The following PRMT8 variants were observed in gnomAD, a reference collection of about 807,000 sequenced individuals.
The protein encoded by PRMT8 is protein arginine methyltransferase 8.
A neutral mutation model predicts 47.1 loss-of-function variants in PRMT8; 7 were observed. The observed-to-expected ratio is 0.15, with a 90% CI of 0.08 to 0.28. The LOEUF is 0.28. Among genes scored for constraint, PRMT8 ranks in the 10% least tolerant of loss-of-function variants. The pLI, the probability that PRMT8 is intolerant of heterozygous loss-of-function variation, is 1.00. For missense variants in PRMT8, 237 were observed against 505.4 expected, an observed-to-expected ratio of 0.47 and a Z score of 5.09; for synonymous variants, 188 against 186.5, an observed-to-expected ratio of 1.01 and a Z score of -0.07.
intron 1 of PRMT8, among the ~76,000 whole-genome samples, chr12:3,449,024 A>G (rs1021638468): frequency 3.9e-5 from 6 of 152,192 alleles, no homozygotes; most frequent in Non-Finnish European, 7.3e-5. Context: ...TGCTGAGGAT[A>G]ATGGCTTCCA....
chr12:3,390,453 A>C (rs775781029), intron 1 of PRMT8, among the ~76,000 whole-genome samples: 3 of 152,174 alleles, frequency 2.0e-5, no homozygotes, highest in Non-Finnish European at 2.9e-5. Context: ...GGACCTCCCA[A>C]GTGAGCCCTC....
intron 1 of PRMT8, among the ~76,000 whole-genome samples, chr12:3,510,202 C>T (rs770580711): frequency 6.6e-6 from 1 of 151,930 alleles, no homozygotes; most frequent in Middle Eastern, 3.4e-3. Flanking sequence ...GCCTGGGGTC[C>T]TGCTCTGGGG....
chr12:3,489,996 G>T (rs139213589), upstream of PRMT8, among the ~76,000 whole-genome samples: 67 of 152,262 alleles, frequency 4.4e-4, no homozygotes, highest in African/African-American at 1.4e-3. Flanking sequence ...TTCCTACTGA[G>T]AATGATTCTA....
At chr12:3,406,095 C>A (rs930581586) in intron 1 of PRMT8, among the ~76,000 whole-genome samples, 34 of 152,366 alleles carry the variant, frequency 2.2e-4, no homozygotes, top group African/African-American at 8.2e-4. Context: ...TCTTGTCTTC[C>A]ACGTACCCAC....
At chr12:3,417,075 T>G (rs950098569) in intron 1 of PRMT8, among the ~76,000 whole-genome samples, 1 of 152,196 alleles carries the variant, frequency 6.6e-6, no homozygotes, top group Non-Finnish European at 1.5e-5. Context: ...TTTTCAGGTT[T>G]TTGATGACTT....
At chr12:3,591,399 G>A (rs947888383) in intron 8 of PRMT8, among the ~76,000 whole-genome samples, 13 of 147,416 alleles carry the variant, frequency 8.8e-5, no homozygotes, top group Admixed American at 4.3e-4. Context: ...AAGCAGGCAG[G>A]GAAAGCTCTT....
intron 4 of PRMT8, among the ~76,000 whole-genome samples, chr12:3,563,803 A>G (rs1490722359): frequency 6.6e-6 from 1 of 152,192 alleles, no homozygotes; most frequent in Non-Finnish European, 1.5e-5. Flanking sequence ...CAAGCACACA[A>G]GTTCCTAGGA....
At chr12:3,435,215 C>T (rs1025085374) in intron 1 of PRMT8, among the ~76,000 whole-genome samples, 2 of 152,022 alleles carry the variant, frequency 1.3e-5, no homozygotes, top group Non-Finnish European at 2.9e-5. Flanking sequence ...GTGATCCGCC[C>T]ACCTCTGCCT....
chr12:3,539,846 AG>A (rs1169564411), intron 1 of PRMT8, among the ~76,000 whole-genome samples: 2 of 152,206 alleles, frequency 1.3e-5, no homozygotes, highest in East Asian at 1.9e-4. Context: ...TGCTGAATTC[AG>A]GGTAGAACTG....
In PRMT8 at chr12:3,569,346, G is replaced by A; in HGVS notation, c.625-131G>A. On this transcript the variant is annotated intron_variant, in intron 5 of 9. Coordinates refer to ENST00000382622, the MANE Select transcript of PRMT8 (RefSeq NM_019854.5). The surrounding 1 kb of genome is among the most constrained non-coding windows in gnomAD (Gnocchi z 8.2). ...CTGTCCTAGCCCTCACCCCAGACAA[G>A]GTGACAGTCCACTGCATGAGAGATG... 8.8e-6 allele frequency: 7 copies of A among 796,620 alleles called. No homozygotes were observed. The highest frequency in any genetic ancestry group is 7.3e-5 in the South Asian group (5 of 68,310). The allele number at this position is 796,620 out of a possible 1,614,324, so 49.3% of individuals were successfully genotyped here. A position where few individuals can be genotyped will look rare whatever the true frequency, so the allele number is the denominator to read the frequency against.
At chr12:3,393,419 G>A (rs1321052966) in intron 1 of PRMT8, among the ~76,000 whole-genome samples, 10 of 151,078 alleles carry the variant, frequency 6.6e-5, no homozygotes, top group African/African-American at 2.4e-4. Flanking sequence ...TCCAGTTTCA[G>A]CTTTCTACAT....
At position 3,456,865 on chromosome 12, in the gene PRMT8, C is replaced by T. The variant is rs1864978671; in HGVS notation, c.48+75423C>T. ...ATCAACAACAGAACAGCACCTGGGGCTCTCTTAAAGGCTTTAAACACAGAG... is the reference window on the plus strand; with the variant it reads ...ATCAACAACAGAACAGCACCTGGGGTTCTCTTAAAGGCTTTAAACACAGAG... On this transcript the variant is annotated intron_variant, in intron 1 of 9. Coordinates refer to the PRMT8 transcript ENST00000452611. The surrounding 1 kb of genome is among the most constrained non-coding windows in gnomAD (Gnocchi z 4.2). 6.6e-6 allele frequency among the ~76,000 whole-genome samples: 1 copy of T among 152,172 alleles called. No individual in the cohort carries two copies. The highest frequency in any genetic ancestry group is 1.5e-5 in the Non-Finnish European group (1 of 68,036).
chr12:3,438,103 A>G (rs932833667), intron 1 of PRMT8, among the ~76,000 whole-genome samples: 7 of 152,108 alleles, frequency 4.6e-5, no homozygotes, highest in Non-Finnish European at 8.8e-5. Flanking sequence ...AGCCTGGGGA[A>G]GTCCTGGGCA....
At chr12:3,488,087 T>G (rs1865339162), upstream of PRMT8, among the ~76,000 whole-genome samples, 1 of 152,228 alleles carries the variant, frequency 6.6e-6, no homozygotes, top group African/African-American at 2.4e-5. Flanking sequence ...GAATCTTGCC[T>G]CTACCACTTG....
chr12:3,550,274 G>C lies in PRMT8; in HGVS notation c.417+183G>C. 1.5e-6 allele frequency: 1 copy of C among 650,900 alleles called. No individual in the cohort carries two copies. Among genetic ancestry groups the C allele is most frequent in the Admixed American group, 2.9e-5 (1 of 34,416 alleles). 40.3% of individuals were successfully genotyped at this position (650,900 alleles called of 1,614,324 possible). A position where few individuals can be genotyped will look rare whatever the true frequency, so the allele number is the denominator to read the frequency against. ...GGGGAGCAGGCTGCCTGTCCCCTGT[G>C]CATGGCTCCTGGATCCTTACAACCA... On this transcript the variant is annotated intron_variant, in intron 3 of 9. Coordinates refer to ENST00000382622, the MANE Select transcript of PRMT8 (RefSeq NM_019854.5). This position sits in a 1 kb window ranked among gnomAD's most constrained non-coding sequence, Gnocchi z 5.1.
intron 1 of PRMT8, among the ~76,000 whole-genome samples, chr12:3,524,642 TA>T (rs34644466): frequency 0.35 from 30,825 of 89,246 alleles, 3,601 homozygotes; most frequent in East Asian, 0.49. Context: ...CAAGACAATC[TA>T]AAAAAAAAAA....
chr12:3,544,352 C>T (rs988284922), intron 2 of PRMT8, among the ~76,000 whole-genome samples: 3 of 152,166 alleles, frequency 2.0e-5, no homozygotes. Context: ...CTGGGACCTC[C>T]AGGAAAGGAG....
At chr12:3,530,599 C>A (rs1866015006) in intron 1 of PRMT8, among the ~76,000 whole-genome samples, 2 of 152,160 alleles carry the variant, frequency 1.3e-5, no homozygotes, top group African/African-American at 4.8e-5. Context: ...CTAAAGATAT[C>A]AATCCCATAA....
rs78458983 is a variant in PRMT8 at position 3,526,919 on chromosome 12, A to G, written c.76-13687A>G. Among the ~76,000 whole-genome samples the G allele has an allele frequency of 2.6e-3, 398 of 152,286 alleles. 10 individuals carry two copies. In the East Asian group the frequency reaches 0.068, roughly 26 times the overall value. Reference sequence around the variant, plus strand: ...TAGAATGGCATATGGCTGTTTGTAAAATCTAAAGTGATAACCTCTAACCTC... The same window carrying G: ...TAGAATGGCATATGGCTGTTTGTAAGATCTAAAGTGATAACCTCTAACCTC... On this transcript the variant is annotated intron_variant, in intron 1 of 9. Coordinates refer to ENST00000382622, the MANE Select transcript of PRMT8 (RefSeq NM_019854.5).
Sources: allele counts gnomAD v4.1 joint callset (sites outside exome capture counted in the v4.1 genomes callset), GRCh38; gene constraint gnomAD v4.1.1; non-coding constraint Gnocchi (gnomAD v3.1); transcripts MANE v1.5; gene names NCBI Gene and HGNC (gene_info 2026-07-23, HGNC 2026-07-21).